Variants in RAB11FIP5 observed in about 807,000 individuals in gnomAD.
RAB11FIP5 encodes the protein RAB11 family interacting protein 5, also known as rab11 family-interacting protein 5.
In RAB11FIP5, 48 loss-of-function variants were observed where a neutral mutation model predicts 85.1. The observed-to-expected ratio is 0.56, with a 90% CI of 0.45 to 0.72. The LOEUF is 0.72. Ranked by LOEUF, RAB11FIP5 falls within the 30% of genes least tolerant of loss-of-function variation. The pLI is 0.00. For synonymous variants in RAB11FIP5, 729 were observed against 727.3 expected (o/e 1.00, Z -0.04); for missense variants, 1,491 against 1,687.0 (o/e 0.88, Z 2.04).
Position 73,081,077 on chromosome 2 carries a change from A to C in RAB11FIP5, c.2155T>G (p.Trp719Gly). The change falls in exon 4 of 6, where the codon TGG becomes GGG. Residue 719 changes from tryptophan (W) to glycine (G), a missense_variant. Transcript: ENST00000486777. The surrounding 1 kb of genome is among the most constrained non-coding windows in gnomAD (Gnocchi z 4.2). ...GGGGRGGSSV[W>G]LEPRVPLDLG... Reference sequence around the variant, plus strand: ...TCCAGAGGAACCCTGGGCTCCAGCCACACGCTGCTCCCACCTCTTCCTCCT... The same window carrying C: ...TCCAGAGGAACCCTGGGCTCCAGCCCCACGCTGCTCCCACCTCTTCCTCCT... 5.7e-6 allele frequency: 7 copies of C among 1,231,796 alleles called. No individual in the cohort carries two copies. Among genetic ancestry groups the C allele is most frequent in the Non-Finnish European group, 7.1e-6 (7 of 989,186 alleles). 76.3% of individuals were successfully genotyped at this position (1,231,796 alleles called of 1,614,324 possible). A position where few individuals can be genotyped will look rare whatever the true frequency, so the allele number is the denominator to read the frequency against.
chr2:73,089,238 C>T lies in RAB11FIP5; in HGVS notation c.509G>A (p.Arg170His), dbSNP rs765728323. 1.3e-5 allele frequency: 21 copies of T among 1,614,034 alleles called. No homozygotes were observed. The South Asian group carries it at 1.6e-4, about 13-fold the overall frequency. The part of the protein sequence containing the change: ...GEIEVTIQFT[R>H]NNLSASMFDL... ...AAACATACTGGCGCTCAGGTTGTTGCGCGTGAACTGGATGGTGACTTCAAT... is the reference window on the plus strand; with the variant it reads ...AAACATACTGGCGCTCAGGTTGTTGTGCGTGAACTGGATGGTGACTTCAAT... The change falls in exon 2 of 6, where the codon CGC becomes CAC. Residue 170 changes from arginine to histidine, a missense_variant. Coordinates refer to ENST00000486777, the MANE Select transcript of RAB11FIP5 (RefSeq NM_001371272.1). The surrounding 1 kb of genome is among the most constrained non-coding windows in gnomAD (Gnocchi z 4.6).
At chr2:73,104,836 C>A (rs1001823161) in intron 1 of RAB11FIP5, among the ~76,000 whole-genome samples, 1 of 152,218 alleles carries the variant, frequency 6.6e-6, no homozygotes. Context: ...CATTCTCTCA[C>A]GCTTTTTATA....
At chr2:73,087,828 T>C (rs1228715098) in intron 3 of RAB11FIP5, among the ~76,000 whole-genome samples, 1 of 152,038 alleles carries the variant, frequency 6.6e-6, no homozygotes, top group East Asian at 1.9e-4. Context: ...GACCCCTCAA[T>C]CCATAGGACT....
chr2:73,078,816 C>T lies in RAB11FIP5; in HGVS notation c.3581+835G>A, dbSNP rs908918304. 6.6e-6 allele frequency among the ~76,000 whole-genome samples: 1 copy of T among 152,206 alleles called. No individual in the cohort carries two copies. Among genetic ancestry groups the T allele is most frequent in the African/African-American group, 2.4e-5 (1 of 41,446 alleles). ...GAGGGACTTGCTGCCTTCTAAGTCA[C>T]ACCCCATCACCTCCCAGTGCCCTGA... On this transcript the variant is annotated intron_variant, in intron 4 of 5. Coordinates refer to ENST00000486777, the MANE Select transcript of RAB11FIP5 (RefSeq NM_001371272.1). This position sits in a 1 kb window ranked among gnomAD's most constrained non-coding sequence, Gnocchi z 4.4.
chr2:73,077,468 C>A (rs935713199), intron 4 of RAB11FIP5, among the ~76,000 whole-genome samples: 29 of 152,230 alleles, frequency 1.9e-4, no homozygotes, highest in Non-Finnish European at 4.1e-4. Context: ...TCCAACCATG[C>A]TGCTGCAGGA....
chr2:73,097,116 G>A (rs1574301576), intron 1 of RAB11FIP5, among the ~76,000 whole-genome samples: 1 of 152,044 alleles, frequency 6.6e-6, no homozygotes, highest in East Asian at 1.9e-4. Flanking sequence ...TCAGCTCACT[G>A]CAACCTCCAC....
intron 4 of RAB11FIP5, among the ~76,000 whole-genome samples, chr2:73,077,070 T>C (rs935786901): frequency 6.6e-6 from 1 of 151,994 alleles, no homozygotes; most frequent in East Asian, 1.9e-4. Flanking sequence ...TGCCCTTGGG[T>C]TCTCTCCTCT....
In RAB11FIP5 at chr2:73,075,676, C is replaced by T. The variant is rs183357436; in HGVS notation, c.3820G>A (p.Asp1274Asn). 1.4e-5 allele frequency: 23 copies of T among 1,613,162 alleles called. No individual in the cohort carries two copies. Among genetic ancestry groups the T allele is most frequent in the Non-Finnish European group, 1.9e-5 (22 of 1,179,670 alleles). ...QSAKYYHLTHDELISLLLQRE... is the reference protein window; with the variant it reads ...QSAKYYHLTHNELISLLLQRE... ...TGCAGGAGCAGGCTGATGAGCTCAT[C>T]GTGGGTCAGGTGGTAGTACTTGGCC... is the stretch of plus-strand genomic sequence containing the variant. Residue 1274 changes from aspartate to asparagine, a missense_variant, in exon 6 of 6, where the codon GAT becomes AAT. Around this residue, in one of 3 missense-constraint regions of RAB11FIP5, gnomAD observed 232 missense variants for 259.1 expected, o/e 0.90. Coordinates refer to ENST00000486777, the MANE Select transcript of RAB11FIP5 (RefSeq NM_001371272.1). The surrounding 1 kb of genome is among the most constrained non-coding windows in gnomAD (Gnocchi z 4.6).
At chr2:73,106,376 C>T (rs1483293698) in intron 1 of RAB11FIP5, among the ~76,000 whole-genome samples, 1 of 152,214 alleles carries the variant, frequency 6.6e-6, no homozygotes, top group Non-Finnish European at 1.5e-5. Context: ...CCACAGCCAG[C>T]GCCAGTGGCT....
chr2:73,086,404 ATGGAGAC>A lies in RAB11FIP5; in HGVS notation c.1568+1639_1568+1645del, dbSNP rs2106108174. The stretch of plus-strand genomic sequence containing the variant: ...GATATGGGGAAGCAGGAGAAAGAGG[ATGGAGAC>A]TGTAAGTGCCCCAGGCCAGTGACAA... On this transcript the variant is annotated intron_variant, in intron 3 of 5. Transcript: ENST00000486777. The surrounding 1 kb of genome is among the most constrained non-coding windows in gnomAD (Gnocchi z 4.4). 6.6e-6 allele frequency among the ~76,000 whole-genome samples: 1 copy of A among 152,248 alleles called. No individual in the cohort carries two copies. Among genetic ancestry groups the A allele is most frequent in the East Asian group, 1.9e-4 (1 of 5,164 alleles).
chr2:73,081,090 A>T lies in RAB11FIP5; in HGVS notation c.2142T>A (p.Gly714=), dbSNP rs866543106. 4,136 of 1,220,974 alleles carry T rather than the reference A, an allele frequency of 3.4e-3. 147 individuals are homozygous for T. In the African/African-American group the frequency reaches 0.066, roughly 20 times the overall value. 75.6% of individuals were successfully genotyped at this position (1,220,974 alleles called of 1,614,324 possible). The change falls in exon 4 of 6, where the codon GGT becomes GGA. Residue 714 remains glycine, a synonymous_variant. Transcript: ENST00000486777. This position sits in a 1 kb window ranked among gnomAD's most constrained non-coding sequence, Gnocchi z 4.2. ...GGGGGGGGGR[G]GSSVWLEPRV... ...TGGGCTCCAGCCACACGCTGCTCCC[A>T]CCTCTTCCTCCTCCTCCTCCTCCTC... is the stretch of plus-strand genomic sequence containing the variant.
Position 73,112,527 on chromosome 2 carries a change from C to T in RAB11FIP5, c.251G>A (p.Gly84Asp), listed in dbSNP as rs1161638399. The change falls in exon 1 of 6, where the codon GGC becomes GAC. Residue 84 changes from glycine to aspartate, a missense_variant. By Grantham distance (94) the Gly-to-Asp change is moderately conservative. Transcript: ENST00000486777. ...SFELPPGALD[G>D]LLRAQEADAG... ...GTCGGCCTCCTGCGCCCGCAGCAGG[C>T]CATCCAGGGCCCCCGGCGGCAGCTC... 3 of 1,520,964 alleles carry T rather than the reference C, an allele frequency of 2.0e-6. No homozygotes were observed. Among genetic ancestry groups the T allele is most frequent in the African/African-American group, 2.9e-5 (2 of 69,544 alleles). 94.2% of individuals were successfully genotyped at this position (1,520,964 alleles called of 1,614,324 possible). A position where few individuals can be genotyped will look rare whatever the true frequency, so the allele number is the denominator to read the frequency against.
chr2:73,108,521 C>T (rs1172185129), intron 1 of RAB11FIP5, among the ~76,000 whole-genome samples: 1 of 152,194 alleles, frequency 6.6e-6, no homozygotes, highest in Non-Finnish European at 1.5e-5. Flanking sequence ...GTGGCAGATG[C>T]CCTGTCTTCT....
At position 73,074,829 on chromosome 2, in the gene RAB11FIP5, T is replaced by C. The variant is rs1683820806; in HGVS notation, c.*692A>G. On this transcript the variant is annotated 3_prime_UTR_variant, in exon 6 of 6. Coordinates refer to ENST00000486777, the MANE Select transcript of RAB11FIP5 (RefSeq NM_001371272.1). ...CGCCCCTGCGCCCCACACATTCCCA[T>C]GTGACACTCGTGGAAAGGTCAGAGG... 9.1e-6 allele frequency: 2 copies of C among 218,782 alleles called. No homozygotes were observed. Among genetic ancestry groups the C allele is most frequent in the South Asian group, 8.0e-5 (1 of 12,506 alleles). The allele number at this position is 218,782 out of a possible 1,614,324, so 13.6% of individuals were successfully genotyped here.
At chr2:73,104,961 C>T (rs919893723) in intron 1 of RAB11FIP5, among the ~76,000 whole-genome samples, 1 of 152,214 alleles carries the variant, frequency 6.6e-6, no homozygotes, top group Admixed American at 6.5e-5. Context: ...ACAGCACTGA[C>T]CTAGGCACAG....
chr2:73,100,661 A>G (rs1290744187), intron 1 of RAB11FIP5, among the ~76,000 whole-genome samples: 2 of 151,936 alleles, frequency 1.3e-5, no homozygotes, highest in Non-Finnish European at 2.9e-5. Context: ...CCTGACCTCA[A>G]GTGATCCATC....
chr2:73,091,493 C>T (rs372568155), intron 1 of RAB11FIP5, among the ~76,000 whole-genome samples: 4 of 152,072 alleles, frequency 2.6e-5, no homozygotes, highest in Admixed American at 6.6e-5. Context: ...CTACCCAAGC[C>T]GCAGTCAGTG....
Position 73,088,504 on chromosome 2 carries a change from A to T in RAB11FIP5, c.1114T>A (p.Ser372Thr). The stretch of plus-strand genomic sequence containing the variant: ...GGCCCCTCCTCGGAGAACCGGGAAG[A>T]GACAGCTTGCAAGGAGCCAGAGGAT... Reference protein sequence around the residue: ...LPSSGSLQAVSSRFSEEGPRS... With the variant: ...LPSSGSLQAVTSRFSEEGPRS... Residue 372 changes from serine (S) to threonine (T), a missense_variant, in exon 3 of 6, where the codon TCT (serine) becomes ACT (threonine). Physicochemically the swap from Ser to Thr is moderately conservative, Grantham distance 58. This residue lies in a region of RAB11FIP5 where 1,211 missense variants were observed against 1,338.0 expected (regional missense o/e 0.91). Transcript: ENST00000486777. 6.2e-7 allele frequency: 1 copy of T among 1,614,024 alleles called. No individual in the cohort carries two copies. The highest frequency in any genetic ancestry group is 2.2e-5 in the East Asian group (1 of 44,884).
Position 73,081,561 on chromosome 2 carries a change from A to G in RAB11FIP5, c.1671T>C (p.Ala557=), listed in dbSNP as rs1683985369. 1 of 1,204,384 alleles carries G rather than the reference A, an allele frequency of 8.3e-7. No homozygotes were observed. 74.6% of individuals were successfully genotyped at this position (1,204,384 alleles called of 1,614,324 possible). A position where few individuals can be genotyped will look rare whatever the true frequency, so the allele number is the denominator to read the frequency against. The part of the protein sequence containing the change: ...APAPPTPAPT[A]APMLSTNLFA... ...AAAGGTTAGTGCTTAGCATGGGAGC[A>G]GCAGTGGGAGCAGGAGTGGGAGGGG... is the stretch of plus-strand genomic sequence containing the variant. The change falls in exon 4 of 6, where the codon GCT becomes GCC. Residue 557 remains alanine (A), a synonymous_variant. Coordinates refer to ENST00000486777, the MANE Select transcript of RAB11FIP5 (RefSeq NM_001371272.1). This position sits in a 1 kb window ranked among gnomAD's most constrained non-coding sequence, Gnocchi z 4.2.
Sources: allele counts gnomAD v4.1 joint callset (sites outside exome capture counted in the v4.1 genomes callset), GRCh38; gene constraint gnomAD v4.1.1; regional missense constraint gnomAD v4.1.1; non-coding constraint Gnocchi (gnomAD v3.1); transcripts MANE v1.5; gene names NCBI Gene and HGNC (gene_info 2026-07-23, HGNC 2026-07-21).